The following RORB variants were observed in gnomAD, a reference collection of about 807,000 sequenced individuals.
RORB encodes the protein nuclear receptor ROR-beta.
A neutral mutation model predicts 59.1 loss-of-function variants in RORB; 6 were observed. That is an observed-to-expected ratio of 0.10 (90% CI 0.06 to 0.20). RORB has a LOEUF of 0.20. Ranked by LOEUF, RORB falls within the 10% of genes least tolerant of loss-of-function variation. RORB has a pLI of 1.00. For synonymous variants in RORB, 215 were observed against 204.5 expected (o/e 1.05, Z -0.44); for missense variants, 320 against 560.5 (o/e 0.57, Z 4.33).
intron 1 of RORB, among the ~76,000 whole-genome samples, chr9:74,547,367 G>A (rs896263959): frequency 1.3e-5 from 2 of 151,842 alleles, no homozygotes; most frequent in African/African-American, 4.8e-5. Flanking sequence ...TAGAGAAGAG[G>A]GAAAATAGGT....
intron 9 of RORB, among the ~76,000 whole-genome samples, chr9:74,675,384 C>A (rs941542776): frequency 6.6e-6 from 1 of 151,544 alleles, no homozygotes; most frequent in African/African-American, 2.4e-5. Context: ...GAGGAGGCAG[C>A]CCATCTGTTC....
intron 2 of RORB, 38 bp downstream of exon 2, chr9:74,630,405 T>A: frequency 1.3e-6 from 2 of 1,535,060 alleles, no homozygotes; most frequent in Non-Finnish European, 1.8e-6. Context: ...TGTATTTGCC[T>A]CAGGCATCTG....
intron 1 of RORB, among the ~76,000 whole-genome samples, chr9:74,585,992 C>T (rs904261166): frequency 9.2e-5 from 14 of 151,796 alleles, no homozygotes; most frequent in African/African-American, 3.4e-4. Flanking sequence ...GACAGGGTTT[C>T]ACCGTGTTAG....
intron 4 of RORB, among the ~76,000 whole-genome samples, chr9:74,658,328 T>C (rs1225186104): frequency 1.3e-5 from 2 of 152,180 alleles, no homozygotes; most frequent in Non-Finnish European, 2.9e-5. Context: ...GGCATGACCA[T>C]CCGGGTTGAG....
rs577592083 is a variant in RORB at position 74,642,522 on chromosome 9, C to G, written c.344C>G (p.Ala115Gly). ...CAGCGGCAGCAGCAGAGTGGGGAGG[C>G]AGAAGCCCTTGCCAGGGTGTACAGC... is the stretch of plus-strand genomic sequence containing the variant. ...QEQRQQQSGE[A>G]EALARVYSSS... Residue 115 changes from alanine to glycine, a missense_variant, in exon 4 of 10, where the codon GCA (alanine) becomes GGA (glycine). Transcript: ENST00000376896. The G allele has an allele frequency of 6.2e-7, 1 of 1,614,208 alleles. No individual in the cohort carries two copies. Among genetic ancestry groups the G allele is most frequent in the South Asian group, 1.1e-5 (1 of 91,078 alleles).
intron 1 of RORB, among the ~76,000 whole-genome samples, chr9:74,533,233 A>C (rs777310849): frequency 6.6e-6 from 1 of 152,004 alleles, no homozygotes; most frequent in Non-Finnish European, 1.5e-5. Flanking sequence ...GGAAAATGAT[A>C]GATGTTTCCC....
At chr9:74,647,924 C>G (rs922922448) in intron 4 of RORB, among the ~76,000 whole-genome samples, 2 of 152,156 alleles carry the variant, frequency 1.3e-5, no homozygotes, top group Non-Finnish European at 2.9e-5. Flanking sequence ...ATGGCATATG[C>G]TTTTAAGGAT....
At chr9:74,670,685 T>TA (rs1824332088) in intron 8 of RORB, among the ~76,000 whole-genome samples, 1 of 152,166 alleles carries the variant, frequency 6.6e-6, no homozygotes, top group Admixed American at 6.5e-5. Flanking sequence ...CCAGCCTATG[T>TA]AGGCTCCATC....
rs1824672907 is a variant in RORB, at chr9:74,687,924, AT to A, written c.*2308del. On this transcript the variant is annotated 3_prime_UTR_variant, in exon 10 of 10. Transcript: ENST00000376896. ...TGAACTTATGTCAAACTTTGTTTTC[AT>A]TGTTCTGTTGGCCTAGTGTTTTCCA... is the stretch of plus-strand genomic sequence containing the variant. The A allele has an allele frequency of 6.6e-6, 1 of 152,096 alleles. No homozygotes were observed. The highest frequency in any genetic ancestry group is 1.5e-5 in the Non-Finnish European group (1 of 68,030). 9.4% of individuals were successfully genotyped at this position (152,096 alleles called of 1,614,324 possible). A position where few individuals can be genotyped will look rare whatever the true frequency, so the allele number is the denominator to read the frequency against.
At chr9:74,676,819 A>G (rs1824451452) in intron 9 of RORB, among the ~76,000 whole-genome samples, 1 of 152,198 alleles carries the variant, frequency 6.6e-6, no homozygotes, top group South Asian at 2.1e-4. Context: ...TAGATGTCCT[A>G]ACCACACACC....
chr9:74,599,738 T>C (rs1823025792), intron 1 of RORB, among the ~76,000 whole-genome samples: 1 of 152,228 alleles, frequency 6.6e-6, no homozygotes, highest in Non-Finnish European at 1.5e-5. Flanking sequence ...GGCTGAGTCG[T>C]GGCAGGGCCA....
intron 1 of RORB, among the ~76,000 whole-genome samples, chr9:74,535,123 G>T (rs1462974403): frequency 1.3e-5 from 2 of 151,102 alleles, no homozygotes; most frequent in Admixed American, 6.6e-5. Flanking sequence ...CATGAAAACT[G>T]CAGTCTTTCC....
intron 1 of RORB, among the ~76,000 whole-genome samples, chr9:74,509,044 A>T (rs1825902336): frequency 6.6e-6 from 1 of 152,032 alleles, no homozygotes; most frequent in Non-Finnish European, 1.5e-5. Context: ...GGCCCTTAAG[A>T]TAAAACTTGT....
intron 7 of RORB, among the ~76,000 whole-genome samples, chr9:74,667,288 C>T (rs1456521553): frequency 6.6e-6 from 1 of 152,210 alleles, no homozygotes; most frequent in East Asian, 1.9e-4. Context: ...TGAAGTGCAT[C>T]TCATCTCTGT....
intron 5 of RORB, among the ~76,000 whole-genome samples, chr9:74,662,091 A>G (rs1404263424): frequency 6.6e-6 from 1 of 152,158 alleles, no homozygotes; most frequent in Non-Finnish European, 1.5e-5. Flanking sequence ...CCTCAATGCA[A>G]AGCTTTGTTT....
At chr9:74,600,766 T>C (rs773866994) in intron 1 of RORB, among the ~76,000 whole-genome samples, 6 of 152,258 alleles carry the variant, frequency 3.9e-5, no homozygotes, top group African/African-American at 1.2e-4. Context: ...TCTACATTGA[T>C]AATTAACTGT....
chr9:74,607,367 T>C (rs17060365), intron 1 of RORB, among the ~76,000 whole-genome samples: 5,056 of 152,268 alleles, frequency 0.033, 168 homozygotes, highest in South Asian at 0.14. Flanking sequence ...AGTTCACCAC[T>C]GAGTTGAGGA....
chr9:74,527,666 C>T (rs1345138817), intron 1 of RORB, among the ~76,000 whole-genome samples: 2 of 151,920 alleles, frequency 1.3e-5, no homozygotes, highest in South Asian at 2.1e-4. Flanking sequence ...CACAACCGTC[C>T]GCAATTCATG....
At chr9:74,659,529 T>C (rs1824146570) in intron 4 of RORB, among the ~76,000 whole-genome samples, 1 of 152,126 alleles carries the variant, frequency 6.6e-6, no homozygotes, top group Non-Finnish European at 1.5e-5. Context: ...GTTTTTGAGA[T>C]GGAGTCTCGC....
Sources: gnomAD v4.1 joint callset for allele counts (sites outside exome capture counted in the v4.1 genomes callset) on GRCh38, gnomAD v4.1.1 for gene constraint, MANE v1.5 for transcripts, NCBI Gene and HGNC (gene_info 2026-07-23, HGNC 2026-07-21) for gene names.